The following GALNTL6 variants were observed in gnomAD, a reference collection of about 807,000 sequenced individuals.
GALNTL6 encodes the protein polypeptide N-acetylgalactosaminyltransferase like 6.
Under a neutral mutation model 73.7 loss-of-function variants are expected in GALNTL6, and 46 were observed. The ratio of observed to expected loss-of-function variants is 0.62; its 90% CI spans 0.49 to 0.80. The LOEUF (loss-of-function observed/expected upper bound fraction) is 0.80, where lower values mean the gene tolerates loss of function less well. Among genes scored for constraint, GALNTL6 ranks in the 30% least tolerant of loss-of-function variants. The pLI, the probability that GALNTL6 is intolerant of heterozygous loss-of-function variation, is 0.00. For synonymous variants in GALNTL6, 259 were observed against 263.7 expected, an observed-to-expected ratio of 0.98 and a Z score of 0.17; for missense variants, 604 against 755.0, an observed-to-expected ratio of 0.80 and a Z score of 2.34.
rs1007028406 is a variant in GALNTL6 at position 172,408,002 on chromosome 4, T to C, written c.553+59313T>C. Among the ~76,000 whole-genome samples the C allele has an allele frequency of 6.6e-5, 10 of 152,150 alleles. No individual in the cohort carries two copies. The East Asian group carries it at 1.4e-3, about 21-fold the overall frequency. On this transcript the variant is annotated intron_variant, in intron 5 of 12. Transcript: ENST00000506823. The stretch of plus-strand genomic sequence containing the variant: ...AAAGGATTATTGAAACGGTGGAAAA[T>C]ATATAGAAGGCCACTTTAGGAAACA...
At chr4:172,366,009 T>A (rs1197273920) in intron 5 of GALNTL6, among the ~76,000 whole-genome samples, 1 of 152,176 alleles carries the variant, frequency 6.6e-6, no homozygotes, top group Non-Finnish European at 1.5e-5. Context: ...AAGATATGAA[T>A]TAGATAATTT....
chr4:172,931,337 C>T, intron 9 of GALNTL6, 69 bp downstream of exon 9: 1 of 885,056 alleles, frequency 1.1e-6, no homozygotes. Flanking sequence ...ACCAACCTTG[C>T]CCATGGCACA....
intron 3 of GALNTL6, among the ~76,000 whole-genome samples, chr4:172,288,065 A>C (rs1055851223): frequency 2.0e-5 from 3 of 151,692 alleles, no homozygotes; most frequent in Middle Eastern, 3.4e-3. Flanking sequence ...TTCCCAGTGT[A>C]CCTGTAATAA....
intron 5 of GALNTL6, among the ~76,000 whole-genome samples, chr4:172,584,617 G>A (rs1221575334): frequency 6.6e-6 from 1 of 152,116 alleles, no homozygotes; most frequent in Non-Finnish European, 1.5e-5. Context: ...CCAAGTTTCA[G>A]GTTTTAAATA....
intron 5 of GALNTL6, among the ~76,000 whole-genome samples, chr4:172,349,168 T>G (rs1236067977): frequency 1.3e-5 from 2 of 152,180 alleles, no homozygotes; most frequent in African/African-American, 4.8e-5. Flanking sequence ...TACTTGGTAA[T>G]TCTAGCTATT....
chr4:173,007,521 G>A (rs1418693384), intron 10 of GALNTL6, among the ~76,000 whole-genome samples: 1 of 152,108 alleles, frequency 6.6e-6, no homozygotes, highest in African/African-American at 2.4e-5. Flanking sequence ...AGATATGATG[G>A]AAGGGCCAGG....
chr4:172,445,337 A>G (rs553061900), intron 5 of GALNTL6, among the ~76,000 whole-genome samples: 1 of 152,336 alleles, frequency 6.6e-6, no homozygotes, highest in Non-Finnish European at 1.5e-5. Context: ...ATAATAGAAG[A>G]AAAAACTGCA....
intron 5 of GALNTL6, among the ~76,000 whole-genome samples, chr4:172,687,053 CAGTA>C (rs1732959392): frequency 6.6e-6 from 1 of 152,146 alleles, no homozygotes; most frequent in Non-Finnish European, 1.5e-5. Context: ...GTCACGAAGC[CAGTA>C]AGTAACTAAG....
chr4:172,271,006 T>C (rs974672736), intron 3 of GALNTL6, among the ~76,000 whole-genome samples: 4 of 152,140 alleles, frequency 2.6e-5, no homozygotes, highest in African/African-American at 9.7e-5. Context: ...AGATGTCCCA[T>C]AGATAAAGAC....
intron 5 of GALNTL6, among the ~76,000 whole-genome samples, chr4:172,614,402 C>T (rs370001385): frequency 2.6e-5 from 4 of 152,120 alleles, no homozygotes; most frequent in South Asian, 2.1e-4. Flanking sequence ...ATTCACCAGT[C>T]AATTCTAACA....
At chr4:172,740,488 C>A (rs931112632) in intron 5 of GALNTL6, among the ~76,000 whole-genome samples, 1 of 152,128 alleles carries the variant, frequency 6.6e-6, no homozygotes, top group African/African-American at 2.4e-5. Context: ...TGGTAACCCC[C>A]AAATCAGTAC....
chr4:172,201,506 A>G (rs1265988258), intron 2 of GALNTL6, among the ~76,000 whole-genome samples: 1 of 148,094 alleles, frequency 6.8e-6, no homozygotes, highest in Non-Finnish European at 1.5e-5. Context: ...CACCGGGACT[A>G]GTTTTTTTTT....
intron 3 of GALNTL6, among the ~76,000 whole-genome samples, chr4:172,290,103 C>T (rs1459052634): frequency 1.3e-5 from 2 of 152,126 alleles, no homozygotes; most frequent in Non-Finnish European, 2.9e-5. Flanking sequence ...AAAACCATTG[C>T]AACTGTAGGT....
At chr4:172,629,005 C>T (rs1739279137) in intron 5 of GALNTL6, among the ~76,000 whole-genome samples, 1 of 152,158 alleles carries the variant, frequency 6.6e-6, no homozygotes, top group Non-Finnish European at 1.5e-5. Flanking sequence ...TTCTGATTTA[C>T]ACTCTGGGAG....
intron 2 of GALNTL6, among the ~76,000 whole-genome samples, chr4:172,070,979 C>A (rs1731519010): frequency 9.3e-6 from 1 of 107,354 alleles, no homozygotes; most frequent in Non-Finnish European, 2.1e-5. Flanking sequence ...TGTGTTGATC[C>A]CAGAATCACA....
intron 5 of GALNTL6, among the ~76,000 whole-genome samples, chr4:172,603,397 G>T (rs79853665): frequency 0.031 from 4,730 of 152,210 alleles, 115 homozygotes; most frequent in South Asian, 0.086. Flanking sequence ...CGTCCCACAG[G>T]CAGGCCATTT....
At chr4:172,736,173 C>T (rs1488176240) in intron 5 of GALNTL6, among the ~76,000 whole-genome samples, 2 of 152,150 alleles carry the variant, frequency 1.3e-5, no homozygotes, top group Non-Finnish European at 2.9e-5. Context: ...TAGAATTTCA[C>T]CTGGCTGGAA....
Position 173,009,233 on chromosome 4 carries a change from C to T in GALNTL6, c.1427C>T (p.Thr476Ile), listed in dbSNP as rs1752433444. 4.3e-6 allele frequency: 7 copies of T among 1,613,954 alleles called. No homozygotes were observed. The highest frequency in any genetic ancestry group is 5.9e-6 in the Non-Finnish European group (7 of 1,179,938). The change falls in exon 11 of 13, where the codon ACA becomes ATA. Residue 476 changes from threonine (T) to isoleucine (I), a missense_variant. Physicochemically the swap from Thr to Ile is moderately conservative, Grantham distance 89. Transcript: ENST00000506823. ...GACAGCAAGCATGGAGCCACCGGAA[C>T]AGAGCTGAGGCTGGACATCTGTGTC... ...CVDSKHGATG[T>I]ELRLDICVKD...
rs138101453 is a variant in GALNTL6 at position 172,793,970 on chromosome 4, T to C, written c.554-15391T>C. On this transcript the variant is annotated intron_variant, in intron 5 of 12. Coordinates refer to ENST00000506823, the MANE Select transcript of GALNTL6 (RefSeq NM_001034845.3). Reference sequence around the variant, plus strand: ...TTCTCCGAAGAACACCATTTATTTATTGCTTGGTAAAAAAATTTAAATAAT... The same window carrying C: ...TTCTCCGAAGAACACCATTTATTTACTGCTTGGTAAAAAAATTTAAATAAT... Among the ~76,000 whole-genome samples the C allele has an allele frequency of 3.9e-3, 588 of 152,342 alleles. 4 individuals carry two copies. The highest frequency in any genetic ancestry group is 0.013 in the African/African-American group (548 of 41,582).
Sources: gnomAD v4.1 joint callset for allele counts (sites outside exome capture counted in the v4.1 genomes callset) on GRCh38, gnomAD v4.1.1 for gene constraint, MANE v1.5 for transcripts, NCBI Gene and HGNC (gene_info 2026-07-23, HGNC 2026-07-21) for gene names.